The following CEP152 variants were observed in gnomAD, a reference collection of about 807,000 sequenced individuals.
CEP152 encodes the protein centrosomal protein of 152 kDa.
Under a neutral mutation model 188.9 loss-of-function variants are expected in CEP152, and 132 were observed. The ratio of observed to expected loss-of-function variants is 0.70; its 90% CI spans 0.61 to 0.81. CEP152 has a LOEUF of 0.81. Among genes scored for constraint, CEP152 ranks in the 30% least tolerant of loss-of-function variants. The probability of loss-of-function intolerance (pLI) is 0.00; values close to 1 mark genes in which losing one functional copy is unlikely to be tolerated. For synonymous variants in CEP152, 649 were observed against 666.6 expected (o/e 0.97, Z 0.41); for missense variants, 1,914 against 1,969.8 (o/e 0.97, Z 0.54).
At chr15:48,780,146 G>C (rs1896154780) in intron 12 of CEP152, among the ~76,000 whole-genome samples, 1 of 152,190 alleles carries the variant, frequency 6.6e-6, no homozygotes, top group Admixed American at 6.5e-5. Flanking sequence ...CCTGGGATAA[G>C]AACTTGAAGG....
At chr15:48,748,909 C>T (rs1336223518) in intron 21 of CEP152, among the ~76,000 whole-genome samples, 1 of 152,006 alleles carries the variant, frequency 6.6e-6, no homozygotes, top group Non-Finnish European at 1.5e-5. Context: ...GAATACCATT[C>T]CCTACTAAAG....
chr15:48,758,040 A>G (rs573092536), intron 19 of CEP152, among the ~76,000 whole-genome samples: 44 of 152,360 alleles, frequency 2.9e-4, no homozygotes, highest in Non-Finnish European at 4.7e-4. Flanking sequence ...GCACATTAGA[A>G]TCACCTGAGC....
intron 18 of CEP152, among the ~76,000 whole-genome samples, chr15:48,761,213 G>A (rs909024312): frequency 3.3e-5 from 5 of 151,938 alleles, no homozygotes; most frequent in African/African-American, 9.7e-5. Flanking sequence ...TAAACATTTC[G>A]GTAAACTAAC....
chr15:48,741,938 T>C lies in CEP152; in HGVS notation c.3989+9A>G, dbSNP rs1411234405. 3 of 1,614,104 alleles carry C rather than the reference T, an allele frequency of 1.9e-6. No individual in the cohort carries two copies. Among genetic ancestry groups the C allele is most frequent in the Non-Finnish European group, 1.7e-6 (2 of 1,180,028 alleles). On this transcript the variant is annotated intron_variant, in intron 25 of 26. Coordinates refer to ENST00000380950, the MANE Select transcript of CEP152 (RefSeq NM_001194998.2). ...TAATCTCAGGACACATTGTTCAGAC[T>C]GAACTCACCCTTCTTTTCCATCATC...
intron 20 of CEP152, 58 bp downstream of exon 20, chr15:48,755,845 T>C: frequency 6.2e-7 from 1 of 1,607,848 alleles, no homozygotes; most frequent in Non-Finnish European, 8.5e-7. Flanking sequence ...AAACACTATA[T>C]ACAACTTCTA....
rs886051264 is a variant in CEP152, at chr15:48,768,265, G to T, written c.1972C>A (p.Gln658Lys). The T allele has an allele frequency of 6.2e-7, 1 of 1,612,534 alleles. No homozygotes were observed. The highest frequency in any genetic ancestry group is 1.7e-5 in the Admixed American group (1 of 60,012). Reference protein sequence around the residue: ...TNQDLCNQMRQMVQDFDHDKQ... With the variant: ...TNQDLCNQMRKMVQDFDHDKQ... ...TCATGGTCAAAATCTTGTACCATTT[G>T]TCTCATTTGATTACATAAGTCTTGA... is the stretch of plus-strand genomic sequence containing the variant. Residue 658 changes from glutamine to lysine, a missense_variant, in exon 15 of 27, where the codon CAA becomes AAA. Physicochemically the swap from Gln to Lys is moderately conservative, Grantham distance 53 (BLOSUM62 1). Transcript: ENST00000380950.
chr15:48,735,453 G>A (rs1171151364), downstream of CEP152, among the ~76,000 whole-genome samples: 4 of 152,116 alleles, frequency 2.6e-5, no homozygotes, highest in Non-Finnish European at 5.9e-5. Context: ...ATCGATGAAG[G>A]GCCAGGCGTG....
intron 12 of CEP152, among the ~76,000 whole-genome samples, chr15:48,773,871 AT>A (rs1196168438): frequency 6.6e-6 from 1 of 152,206 alleles, no homozygotes; most frequent in Non-Finnish European, 1.5e-5. Context: ...AAAATTCAAA[AT>A]GTCTAGCATT....
At position 48,781,274 on chromosome 15, in the gene CEP152, T is replaced by A. The variant is rs565045383; in HGVS notation, c.1499A>T (p.Glu500Val). ...CGATTCAGTGAGTTCTATATTTAAT[T>A]CTCCTTCTGAGTCACTTGGATGTAT... ...LGIHPSDSEG[E>V]LNIELTESYV... The change falls in exon 12 of 27, where the codon GAA becomes GTA. Residue 500 changes from glutamate to valine, a missense_variant. Physicochemically the swap from Glu to Val is moderately radical, Grantham distance 121. Coordinates refer to ENST00000380950, the MANE Select transcript of CEP152 (RefSeq NM_001194998.2). 5.0e-6 allele frequency: 8 copies of A among 1,613,378 alleles called. No homozygotes were observed. The highest frequency in any genetic ancestry group is 6.8e-6 in the Non-Finnish European group (8 of 1,179,500).
At chr15:48,754,939 G>C (rs1427247520) in intron 20 of CEP152, among the ~76,000 whole-genome samples, 1 of 151,846 alleles carries the variant, frequency 6.6e-6, no homozygotes, top group African/African-American at 2.4e-5. Flanking sequence ...TCCTGGCCTT[G>C]AAACTCCTTA....
In CEP152 at chr15:48,762,673, C is replaced by A. The variant is rs1296360030; in HGVS notation, c.2281-1G>T. 2 of 1,613,082 alleles carry A rather than the reference C, an allele frequency of 1.2e-6. No homozygotes were observed. Among genetic ancestry groups the A allele is most frequent in the East Asian group, 2.2e-5 (1 of 44,848 alleles). ...GCTGTTGAATGAGTTTTTCTTTGAT[C>A]TGTTTTCAGAAGAAAAATCATACGA... On this transcript the variant is annotated splice_acceptor_variant, in intron 17 of 26. Coordinates refer to ENST00000380950, the MANE Select transcript of CEP152 (RefSeq NM_001194998.2). LOFTEE classifies it high-confidence loss of function.
chr15:48,748,646 G>C, intron 21 of CEP152, 36 bp from the exon 22 acceptor site: 1 of 1,309,086 alleles, frequency 7.6e-7, no homozygotes, highest in South Asian at 2.1e-5. Context: ...TTTTATATCA[G>C]TTTAGACCAA....
At chr15:48,759,555 A>G (rs1265920635) in intron 19 of CEP152, among the ~76,000 whole-genome samples, 1 of 152,138 alleles carries the variant, frequency 6.6e-6, no homozygotes, top group Non-Finnish European at 1.5e-5. Flanking sequence ...CTTGACTATA[A>G]TTTTTCCAGA....
intron 21 of CEP152, among the ~76,000 whole-genome samples, chr15:48,749,311 G>A (rs777481260): frequency 1.3e-5 from 2 of 151,880 alleles, no homozygotes; most frequent in Non-Finnish European, 2.9e-5. Context: ...GAGGGAGGAA[G>A]TTGGAAGAAT....
At chr15:48,797,899 A>G (rs762903690) in intron 3 of CEP152, 49 bp downstream of exon 3, 2 of 1,521,600 alleles carry the variant, frequency 1.3e-6, no homozygotes, top group East Asian at 2.3e-5. Context: ...CAAAAGAAAA[A>G]GACTTATAGA....
intron 24 of CEP152, 66 bp from the exon 25 acceptor site, chr15:48,742,166 G>T: frequency 6.9e-7 from 1 of 1,440,284 alleles, no homozygotes; most frequent in Non-Finnish European, 9.8e-7. Context: ...AAACAGGAGG[G>T]GCAGACTTCA....
chr15:48,802,584 G>A (rs946135801), intron 2 of CEP152, among the ~76,000 whole-genome samples: 1 of 151,918 alleles, frequency 6.6e-6, no homozygotes, highest in African/African-American at 2.4e-5. Flanking sequence ...AAGAGTTGTA[G>A]CACTTTAGAA....
chr15:48,785,011 C>G (rs1388136897), intron 9 of CEP152, among the ~76,000 whole-genome samples: 1 of 152,046 alleles, frequency 6.6e-6, no homozygotes, highest in South Asian at 2.1e-4. Context: ...ATGGGAGAGG[C>G]AGAGGAATGA....
chr15:48,765,665 T>G (rs1895017938), intron 17 of CEP152: 1 of 398,120 alleles, frequency 2.5e-6, no homozygotes, highest in East Asian at 7.4e-5. Flanking sequence ...TTTTTTTTTT[T>G]TTTTGAGAGA....
Sources: allele counts gnomAD v4.1 joint callset (sites outside exome capture counted in the v4.1 genomes callset), GRCh38; gene constraint gnomAD v4.1.1; transcripts MANE v1.5; gene names NCBI Gene and HGNC (gene_info 2026-07-23, HGNC 2026-07-21).